The following SAMSN1 variants were observed in gnomAD, a reference collection of about 807,000 sequenced individuals.
The protein encoded by SAMSN1 is SAM domain-containing protein SAMSN-1.
Under a neutral mutation model 42.0 loss-of-function variants are expected in SAMSN1, and 31 were observed. The observed-to-expected ratio is 0.74, with a 90% CI of 0.55 to 1.00. SAMSN1 has a LOEUF of 1.00. Among genes scored for constraint, SAMSN1 ranks in the 50% least tolerant of loss-of-function variants. SAMSN1 has a pLI of 0.00. For synonymous variants in SAMSN1, 178 were observed against 151.9 expected (o/e 1.17, Z -1.26); for missense variants, 464 against 439.4 (o/e 1.06, Z -0.50).
intron 1 of SAMSN1, among the ~76,000 whole-genome samples, chr21:14,651,471 A>G (rs1222864935): frequency 6.6e-6 from 1 of 152,012 alleles, no homozygotes; most frequent in African/African-American, 2.4e-5. Flanking sequence ...AATCATTTTA[A>G]AAAATTTGAC....
chr21:14,546,525 T>C (rs1980401801), upstream of SAMSN1, among the ~76,000 whole-genome samples: 1 of 152,148 alleles, frequency 6.6e-6, no homozygotes, highest in Non-Finnish European at 1.5e-5. Flanking sequence ...CCTGCAGTTA[T>C]GAGAGCCATA....
At chr21:14,606,235 C>T (rs1982568404) in intron 5 of SAMSN1, among the ~76,000 whole-genome samples, 1 of 152,218 alleles carries the variant, frequency 6.6e-6, no homozygotes, top group Non-Finnish European at 1.5e-5. Flanking sequence ...TCTGGTCCCT[C>T]ACTTCCCTTA....
intron 7 of SAMSN1, among the ~76,000 whole-genome samples, chr21:14,488,365 C>T (rs1214749538): frequency 1.3e-5 from 2 of 152,106 alleles, no homozygotes; most frequent in Non-Finnish European, 2.9e-5. Context: ...ACTGTTTGTT[C>T]CCAACACTCT....
chr21:14,598,157 G>A (rs989345855), intron 6 of SAMSN1: 2 of 152,110 alleles, frequency 1.3e-5, no homozygotes, highest in Non-Finnish European at 2.9e-5. Context: ...GTCCTGGGTA[G>A]GGGTGCTTGA....
At chr21:14,625,168 A>G (rs1034307063) in intron 2 of SAMSN1, among the ~76,000 whole-genome samples, 7 of 152,164 alleles carry the variant, frequency 4.6e-5, no homozygotes, top group Admixed American at 3.3e-4. Flanking sequence ...CACAGCCAAT[A>G]TCATACTGAA....
chr21:14,585,031 T>C (rs2123255265), upstream of SAMSN1, among the ~76,000 whole-genome samples: 1 of 136,996 alleles, frequency 7.3e-6, no homozygotes, highest in Admixed American at 7.5e-5. Flanking sequence ...AGAGGAACCC[T>C]ACCTTTTTGC....
Position 14,577,284 on chromosome 21 carries a change from A to ATATATATATTTTT in SAMSN1, c.261+4851_261+4852insAAAAATATATATA. ...TATATATATATATATATATATATAT[A>ATATATATATTTTT]TTTTTTTTTTAGAAGAGACAGGGTT... On this transcript the variant is annotated intron_variant, in intron 2 of 8. Transcript: ENST00000285670. 3.7e-5 allele frequency among the ~76,000 whole-genome samples: 2 copies of ATATATATATTTTT among 53,862 alleles called. 1 individual carries two copies. The highest frequency in any genetic ancestry group is 1.3e-3 in the South Asian group (2 of 1,596). 35.3% of individuals were successfully genotyped at this position (53,862 alleles called of 152,430 possible). A position where few individuals can be genotyped will look rare whatever the true frequency, so the allele number is the denominator to read the frequency against.
At chr21:14,567,176 G>C (rs975929546) in intron 2 of SAMSN1, among the ~76,000 whole-genome samples, 1 of 151,788 alleles carries the variant, frequency 6.6e-6, no homozygotes, top group Non-Finnish European at 1.5e-5. Flanking sequence ...GTACCAGGGC[G>C]GTGTTGTCAG....
At chr21:14,589,413 A>C (rs1982014130) in intron 7 of SAMSN1, among the ~76,000 whole-genome samples, 1 of 152,042 alleles carries the variant, frequency 6.6e-6, no homozygotes, top group Non-Finnish European at 1.5e-5. Context: ...TTGACAGCCA[A>C]ATTAAGACCA....
At chr21:14,536,701 C>T (rs1035107226) in intron 1 of SAMSN1, among the ~76,000 whole-genome samples, 1 of 151,682 alleles carries the variant, frequency 6.6e-6, no homozygotes, top group Non-Finnish European at 1.5e-5. Flanking sequence ...GAAGAAGAAG[C>T]CTTTGCAAAG....
intron 2 of SAMSN1, among the ~76,000 whole-genome samples, chr21:14,635,799 T>C (rs1326753678): frequency 6.6e-6 from 1 of 151,998 alleles, no homozygotes; most frequent in Non-Finnish European, 1.5e-5. Flanking sequence ...CATTTGATGC[T>C]CGCTGCAAAC....
At chr21:14,538,522 G>A (rs916636217) in intron 1 of SAMSN1, among the ~76,000 whole-genome samples, 1 of 152,120 alleles carries the variant, frequency 6.6e-6, no homozygotes, top group African/African-American at 2.4e-5. Context: ...CAAGTACCTG[G>A]CCTCAAGTAA....
intron 2 of SAMSN1, among the ~76,000 whole-genome samples, chr21:14,572,176 A>T (rs1437320475): frequency 6.6e-6 from 1 of 152,168 alleles, no homozygotes; most frequent in Non-Finnish European, 1.5e-5. Context: ...AATGATAAAA[A>T]TTTCCCTTGA....
intron 2 of SAMSN1, among the ~76,000 whole-genome samples, chr21:14,577,238 G>GTGTATATATATATATATA (rs1248361790): frequency 3.5e-5 from 1 of 28,190 alleles, no homozygotes; most frequent in Non-Finnish European, 5.8e-5. Context: ...ATATATGTGT[G>GTGTATATATATATATATA]TATATATATA....
chr21:14,627,765 C>T (rs1983222251), intron 2 of SAMSN1, among the ~76,000 whole-genome samples: 1 of 151,554 alleles, frequency 6.6e-6, no homozygotes, highest in Admixed American at 6.6e-5. Flanking sequence ...AAATCAAAAA[C>T]AAAAAAAAGT....
intron 2 of SAMSN1, among the ~76,000 whole-genome samples, chr21:14,561,864 T>C (rs1445025636): frequency 6.6e-6 from 1 of 152,072 alleles, no homozygotes; most frequent in Admixed American, 6.5e-5. Context: ...GGAAGTGGAA[T>C]TATGCCACCA....
At chr21:14,517,145 C>T in intron 2 of SAMSN1, 104 bp from the exon 3 acceptor site, 2 of 1,086,722 alleles carry the variant, frequency 1.8e-6, no homozygotes, top group Non-Finnish European at 2.6e-6. Flanking sequence ...ATTTTGCATG[C>T]ATTCTGTGCA....
Position 14,558,538 on chromosome 21 carries a change from G to A in SAMSN1, c.261+23598C>T, listed in dbSNP as rs557842530. Among the ~76,000 whole-genome samples the A allele has an allele frequency of 3.3e-4, 50 of 152,006 alleles. 7 individuals carry two copies. The highest frequency in any genetic ancestry group is 1.7e-3 in the South Asian group (8 of 4,814). Reference sequence around the variant, plus strand: ...TACTAAAAATACAAAAAAATTAGCCGGCCGTGGTGATGCATGCCTGTAGTC... The same window carrying A: ...TACTAAAAATACAAAAAAATTAGCCAGCCGTGGTGATGCATGCCTGTAGTC... On this transcript the variant is annotated intron_variant, in intron 2 of 8. Transcript: ENST00000285670.
intron 1 of SAMSN1, among the ~76,000 whole-genome samples, chr21:14,657,302 A>G (rs1360287695): frequency 6.6e-6 from 1 of 151,894 alleles, no homozygotes; most frequent in Non-Finnish European, 1.5e-5. Context: ...CTAATGAAAT[A>G]TGTTTCTGAA....
Sources: allele counts gnomAD v4.1 joint callset (sites outside exome capture counted in the v4.1 genomes callset), GRCh38; gene constraint gnomAD v4.1.1; transcripts MANE v1.5; gene names NCBI Gene and HGNC (gene_info 2026-07-23, HGNC 2026-07-21).